ZMYM2: variants seen among roughly 807,000 people sequenced by gnomAD.
ZMYM2 encodes the protein zinc finger MYM-type containing 2.
In ZMYM2, 56 loss-of-function variants were observed where a neutral mutation model predicts 162.8. That is an observed-to-expected ratio of 0.34 (90% CI 0.28 to 0.43). The LOEUF is 0.43. ZMYM2 is among the 20% of genes least tolerant of loss of function. The probability of loss-of-function intolerance (pLI) is 1.00; values close to 1 mark genes in which losing one functional copy is unlikely to be tolerated. For missense variants in ZMYM2, 1,275 were observed against 1,621.8 expected, an observed-to-expected ratio of 0.79 and a Z score of 3.67; for synonymous variants, 510 against 541.6, an observed-to-expected ratio of 0.94 and a Z score of 0.81.
chr13:19,975,024 A>AT (rs1956659867), intron 2 of ZMYM2, among the ~76,000 whole-genome samples: 1 of 149,308 alleles, frequency 6.7e-6, no homozygotes, highest in Non-Finnish European at 1.5e-5. Context: ...TGAACTGTTT[A>AT]TTTTTTGTCA....
intron 16 of ZMYM2, among the ~76,000 whole-genome samples, chr13:20,060,370 G>T (rs530197561): frequency 6.6e-6 from 1 of 152,012 alleles, no homozygotes; most frequent in Non-Finnish European, 1.5e-5. Flanking sequence ...TTTATATTTG[G>T]GTTCATTTTC....
chr13:20,085,711 G>C, intron 24 of ZMYM2, 111 bp from the exon 25 acceptor site: 1 of 808,798 alleles, frequency 1.2e-6, no homozygotes, highest in Non-Finnish European at 1.9e-6. Flanking sequence ...GGGGCATAGG[G>C]GGTCTGGTCA....
chr13:20,080,511 A>G (rs1957840347), intron 21 of ZMYM2, among the ~76,000 whole-genome samples: 2 of 149,108 alleles, frequency 1.3e-5, no homozygotes, highest in African/African-American at 5.0e-5. Context: ...TTTCCTTGAG[A>G]CTGGGCCTCG....
intron 12 of ZMYM2, among the ~76,000 whole-genome samples, chr13:20,041,936 G>C (rs1201867718): frequency 6.6e-6 from 1 of 152,070 alleles, no homozygotes; most frequent in East Asian, 1.9e-4. Flanking sequence ...CTATTAGTCC[G>C]ATGAGTTTCC....
chr13:20,028,792 A>G (rs1952809019), intron 9 of ZMYM2, among the ~76,000 whole-genome samples: 1 of 151,914 alleles, frequency 6.6e-6, no homozygotes, highest in Admixed American at 6.6e-5. Flanking sequence ...GTACATGTCC[A>G]TACACATGCA....
At chr13:19,906,379 G>GTA in the ZMYM2 span, among the ~76,000 whole-genome samples, 25 of 139,636 alleles carry the variant, frequency 1.8e-4, no homozygotes, top group African/African-American at 5.8e-4. Context: ...ATATATATGT[G>GTA]TATATATATG....
the ZMYM2 span, among the ~76,000 whole-genome samples, chr13:19,869,004 G>C: frequency 6.6e-6 from 1 of 152,142 alleles, no homozygotes; most frequent in African/African-American, 2.4e-5. Flanking sequence ...ACCCTCCTCA[G>C]CCTCCCTAAG....
chr13:19,949,477 C>G, the ZMYM2 span, among the ~76,000 whole-genome samples: 1 of 152,006 alleles, frequency 6.6e-6, no homozygotes, highest in East Asian at 1.9e-4. Flanking sequence ...ACCTGTAGTC[C>G]TAGCAGTCGG....
At chr13:19,890,700 C>T in the ZMYM2 span, among the ~76,000 whole-genome samples, 3 of 151,214 alleles carry the variant, frequency 2.0e-5, no homozygotes, top group Non-Finnish European at 4.4e-5. Flanking sequence ...AAAACCCTGT[C>T]TCTACTAAAA....
chr13:19,991,572 T>G (rs1344245650), intron 2 of ZMYM2, among the ~76,000 whole-genome samples: 5 of 152,128 alleles, frequency 3.3e-5, no homozygotes, highest in Admixed American at 3.3e-4. Flanking sequence ...GCTGTGTGAC[T>G]TGGGCAAGAG....
At chr13:20,041,910 TCTG>T (rs1954287566) in intron 12 of ZMYM2, among the ~76,000 whole-genome samples, 1 of 152,336 alleles carries the variant, frequency 6.6e-6, no homozygotes, top group African/African-American at 2.4e-5. Context: ...TTATAGGGTT[TCTG>T]CTGAGAGATC....
intron 20 of ZMYM2, 26 bp downstream of exon 20, chr13:20,067,045 T>A (rs1003721749): frequency 6.4e-7 from 1 of 1,553,726 alleles, no homozygotes; most frequent in African/African-American, 1.4e-5. Flanking sequence ...TTGTTTCTCC[T>A]AAGTCCTATT....
chr13:19,941,271 G>A, the ZMYM2 span, among the ~76,000 whole-genome samples: 1 of 150,944 alleles, frequency 6.6e-6, no homozygotes. Flanking sequence ...TTGTGCCGCT[G>A]CACTCCAGCC....
intron 12 of ZMYM2, among the ~76,000 whole-genome samples, chr13:20,045,417 A>G (rs1325833072): frequency 1.3e-5 from 2 of 152,228 alleles, no homozygotes; most frequent in Non-Finnish European, 2.9e-5. Context: ...ATATGATGTA[A>G]ACTTTAAAAA....
At chr13:19,917,246 G>A in the ZMYM2 span, among the ~76,000 whole-genome samples, 1 of 152,066 alleles carries the variant, frequency 6.6e-6, no homozygotes, top group South Asian at 2.1e-4. Flanking sequence ...ACAGGCATGA[G>A]CCACCACGCC....
At chr13:19,932,882 TTTTG>T in the ZMYM2 span, among the ~76,000 whole-genome samples, 4 of 152,106 alleles carry the variant, frequency 2.6e-5, no homozygotes, top group South Asian at 2.1e-4. Flanking sequence ...TGTTTGTATG[TTTTG>T]TTTGTTTGTT....
At position 19,997,579 on chromosome 13, in the gene ZMYM2, T is replaced by C. The variant is rs192532941; in HGVS notation, c.847+3660T>C. On this transcript the variant is annotated intron_variant, in intron 3 of 24. Transcript: ENST00000610343. ...TTTAACTTACAGAAATACATTGTAATAATGCTTTTTAGAAAGCTCTTAGCA... is the reference window on the plus strand; with the variant it reads ...TTTAACTTACAGAAATACATTGTAACAATGCTTTTTAGAAAGCTCTTAGCA... Among the ~76,000 whole-genome samples, 13 of 152,268 alleles carry C rather than the reference T, an allele frequency of 8.5e-5. No homozygotes were observed. In the East Asian group the frequency reaches 2.5e-3, roughly 29 times the overall value.
At chr13:19,896,760 CA>C in the ZMYM2 span, among the ~76,000 whole-genome samples, 272 of 87,168 alleles carry the variant, frequency 3.1e-3, no homozygotes, top group Admixed American at 3.3e-3. Context: ...GACTCCATCT[CA>C]AAAAAAAAAA....
the ZMYM2 span, among the ~76,000 whole-genome samples, chr13:19,934,298 C>T: frequency 3.3e-5 from 5 of 151,908 alleles, no homozygotes; most frequent in South Asian, 2.1e-4. Context: ...GTAGCTGGGA[C>T]TACAGGCATC....
Sources: gnomAD v4.1 joint callset for allele counts (sites outside exome capture counted in the v4.1 genomes callset) on GRCh38, gnomAD v4.1.1 for gene constraint, MANE v1.5 for transcripts, NCBI Gene and HGNC (gene_info 2026-07-23, HGNC 2026-07-21) for gene names.